ANKHD1: variants seen among roughly 807,000 people sequenced by gnomAD.
ANKHD1 encodes the protein ankyrin repeat and KH domain containing 1.
In ANKHD1, 31 loss-of-function variants were observed where a neutral mutation model predicts 230.5. The ratio of observed to expected loss-of-function variants is 0.13; its 90% CI spans 0.10 to 0.18. The LOEUF is 0.18. Ranked by LOEUF, ANKHD1 falls within the 10% of genes least tolerant of loss-of-function variation. The pLI, the probability that ANKHD1 is intolerant of heterozygous loss-of-function variation, is 1.00. For synonymous variants in ANKHD1, 1,074 were observed against 1,117.6 expected (o/e 0.96, Z 0.78); for missense variants, 2,256 against 3,071.3 (o/e 0.73, Z 6.27).
At chr5:140,493,847 C>T (rs145673771) in intron 14 of ANKHD1, among the ~76,000 whole-genome samples, 2,151 of 152,186 alleles carry the variant, frequency 0.014, 58 homozygotes, top group African/African-American at 0.049. Flanking sequence ...ATAGACAGGG[C>T]CATTCCTATC....
At chr5:140,514,111 G>A (rs1023115338) in intron 24 of ANKHD1, among the ~76,000 whole-genome samples, 3 of 151,214 alleles carry the variant, frequency 2.0e-5, no homozygotes, top group African/African-American at 4.9e-5. Context: ...CTTGAGTCCA[G>A]GAGTTCGAGG....
intron 15 of ANKHD1, among the ~76,000 whole-genome samples, chr5:140,500,213 C>T (rs1397547171): frequency 6.6e-6 from 1 of 152,210 alleles, no homozygotes; most frequent in East Asian, 1.9e-4. Context: ...TTAAAAATCA[C>T]CTAATATCAA....
In ANKHD1 at chr5:140,479,159, G is replaced by A. The variant is rs544312710; in HGVS notation, c.1783-3421G>A. Among the ~76,000 whole-genome samples the A allele has an allele frequency of 9.7e-4, 147 of 151,470 alleles. 1 individual carries two copies. Among genetic ancestry groups the A allele is most frequent in the South Asian group, 9.0e-3 (43 of 4,794 alleles). On this transcript the variant is annotated intron_variant, in intron 10 of 33. Coordinates refer to ENST00000360839, the MANE Select transcript of ANKHD1 (RefSeq NM_017747.3). ...ACTACAGGCACCCGCCACCACGCCC[G>A]GCTAATTTTGTTTTTTTTTGTATTT...
intron 24 of ANKHD1, among the ~76,000 whole-genome samples, chr5:140,519,502 G>A (rs1373393398): frequency 1.3e-5 from 2 of 152,162 alleles, no homozygotes; most frequent in Admixed American, 6.5e-5. Flanking sequence ...AAAGCTGGAG[G>A]CATCACACTA....
intron 1 of ANKHD1, among the ~76,000 whole-genome samples, chr5:140,419,309 G>GT (rs70988760): frequency 0.67 from 100,268 of 150,758 alleles, 33,708 homozygotes; most frequent in East Asian, 0.84. Flanking sequence ...TGTTGATTGG[G>GT]TTTTTTTTAT....
chr5:140,538,959 C>G lies in ANKHD1; in HGVS notation c.7445C>G (p.Ser2482Cys). Residue 2482 changes from serine (S) to cysteine (C), a missense_variant, in exon 33 of 34, where the codon TCT (serine) becomes TGT (cysteine). This residue lies in a region of ANKHD1 where 778 missense variants were observed against 966.5 expected (regional missense o/e 0.80). Transcript: ENST00000360839. ...ISMYGGTIIPSHPQLADVPGG... is the reference protein window; with the variant it reads ...ISMYGGTIIPCHPQLADVPGG... Reference sequence around the variant, plus strand: ...ATGTATGGAGGCACCATAATACCCTCTCATCCTCAGCTTGCTGATGTTCCA... The same window carrying G: ...ATGTATGGAGGCACCATAATACCCTGTCATCCTCAGCTTGCTGATGTTCCA... The G allele has an allele frequency of 6.2e-7, 1 of 1,609,750 alleles. No individual in the cohort carries two copies. Among genetic ancestry groups the G allele is most frequent in the Non-Finnish European group, 8.5e-7 (1 of 1,177,958 alleles).
At chr5:140,423,970 C>CT (rs1772193035) in intron 1 of ANKHD1, among the ~76,000 whole-genome samples, 1 of 152,216 alleles carries the variant, frequency 6.6e-6, no homozygotes, top group African/African-American at 2.4e-5. Context: ...CATTCTGTCA[C>CT]TCTTTTGGCC....
intron 7 of ANKHD1, among the ~76,000 whole-genome samples, chr5:140,451,047 G>A (rs1445227068): frequency 2.0e-5 from 3 of 152,072 alleles, no homozygotes; most frequent in Admixed American, 1.3e-4. Flanking sequence ...AGCTACTTGG[G>A]AGGCTAAGAC....
intron 21 of ANKHD1, 46 bp downstream of exon 21, chr5:140,509,858 A>G: frequency 6.3e-7 from 1 of 1,577,508 alleles, no homozygotes; most frequent in South Asian, 1.2e-5. Flanking sequence ...GGTCATTTTC[A>G]CTTTTCAGAG....
intron 1 of ANKHD1, among the ~76,000 whole-genome samples, chr5:140,430,547 A>G (rs755644405): frequency 8.6e-5 from 13 of 152,042 alleles, no homozygotes; most frequent in Non-Finnish European, 1.5e-5. Context: ...ATATATAGAC[A>G]TGGTTTCTGT....
At position 140,532,205 on chromosome 5, in the gene ANKHD1, T is replaced by TA. The variant is rs78497065; in HGVS notation, c.6850+2427dup. 7.0e-3 allele frequency among the ~76,000 whole-genome samples: 884 copies of TA among 126,636 alleles called. 7 individuals are homozygous for TA. Among genetic ancestry groups the TA allele is most frequent in the African/African-American group, 0.013 (452 of 34,272 alleles). 83.1% of individuals were successfully genotyped at this position (126,636 alleles called of 152,430 possible). A position where few individuals can be genotyped will look rare whatever the true frequency, so the allele number is the denominator to read the frequency against. On this transcript the variant is annotated intron_variant, in intron 29 of 33. Transcript: ENST00000360839. Reference sequence around the variant, plus strand: ...CTGGTGACAGAGCGAGACTCTGTCTTAAAAAAAAAAAAAAAAAAGAAGTAC... The same window carrying TA: ...CTGGTGACAGAGCGAGACTCTGTCTTAAAAAAAAAAAAAAAAAAAGAAGTAC...
intron 7 of ANKHD1, among the ~76,000 whole-genome samples, chr5:140,455,962 A>G (rs1376406732): frequency 1.3e-5 from 2 of 152,042 alleles, no homozygotes; most frequent in Admixed American, 6.6e-5. Flanking sequence ...TATTTAGAAA[A>G]CCCCATCGTC....
chr5:140,459,143 T>C (rs1218651809), intron 8 of ANKHD1, 21 bp from the exon 9 acceptor site: 1 of 1,494,868 alleles, frequency 6.7e-7, no homozygotes, highest in Non-Finnish European at 8.9e-7. Flanking sequence ...ACTAATTTTA[T>C]CTGTTTTTAT....
intron 30 of ANKHD1, 42 bp from the exon 31 acceptor site, chr5:140,537,347 C>A (rs369904028): frequency 6.2e-7 from 1 of 1,607,704 alleles, no homozygotes; most frequent in African/African-American, 1.3e-5. Flanking sequence ...GGTGACTCTC[C>A]TATTCCATCT....
intron 2 of ANKHD1, 39 bp from the exon 3 acceptor site, chr5:140,438,422 G>A (rs564912117): frequency 7.0e-7 from 1 of 1,436,544 alleles, no homozygotes; most frequent in Non-Finnish European, 9.2e-7. Context: ...TTTTTTTTTT[G>A]TTGTTCTGCA....
At chr5:140,427,397 G>A (rs1204220247) in intron 1 of ANKHD1, among the ~76,000 whole-genome samples, 3 of 182 alleles carry the variant, frequency 0.016, no homozygotes, top group African/African-American at 0.029. Context: ...CTCCCTCCCC[G>A]ACGGGCGGCT....
rs139347971 is a variant in ANKHD1 at position 140,418,529 on chromosome 5, C to T, written c.306+16256C>T. On this transcript the variant is annotated intron_variant, in intron 1 of 33. Coordinates refer to ENST00000360839, the MANE Select transcript of ANKHD1 (RefSeq NM_017747.3). ...CACTTTTATCACTCCCAAAAGAAGC[C>T]GTGTACTCCTTAGCAGTCTTTTCCC... 4.6e-3 allele frequency among the ~76,000 whole-genome samples: 694 copies of T among 152,230 alleles called. 4 individuals are homozygous for T. The highest frequency in any genetic ancestry group is 0.016 in the African/African-American group (646 of 41,532).
intron 30 of ANKHD1, among the ~76,000 whole-genome samples, chr5:140,536,125 G>A (rs567231810): frequency 7.9e-5 from 12 of 151,992 alleles, no homozygotes; most frequent in Non-Finnish European, 1.8e-4. Flanking sequence ...AGAGTGTCTC[G>A]CTCTGTTGCC....
rs770445733 is a variant in ANKHD1 at position 140,496,461 on chromosome 5, CTTT to C, written c.2246-40_2246-38del. On this transcript the variant is annotated intron_variant, in intron 14 of 33. Coordinates refer to ENST00000360839, the MANE Select transcript of ANKHD1 (RefSeq NM_017747.3). ...TGGTTTTCTTTTTTTTTTTTCTTTT[CTTT>C]TTTTTTTTTTTTTTTTTTAGCATGG... The C allele has an allele frequency of 8.9e-3, 4,544 of 507,858 alleles. 1 individual carries two copies. The highest frequency in any genetic ancestry group is 0.013 in the East Asian group (160 of 12,646). 31.5% of individuals were successfully genotyped at this position (507,858 alleles called of 1,614,324 possible).
Sources: gnomAD v4.1 joint callset for allele counts (sites outside exome capture counted in the v4.1 genomes callset) on GRCh38, gnomAD v4.1.1 for gene constraint, gnomAD v4.1.1 regional missense constraint, MANE v1.5 for transcripts, NCBI Gene and HGNC (gene_info 2026-07-23, HGNC 2026-07-21) for gene names.